The following GLE1 variants were observed in gnomAD, a reference collection of about 807,000 sequenced individuals.
The protein encoded by GLE1 is mRNA export factor GLE1.
Under a neutral mutation model 97.3 loss-of-function variants are expected in GLE1, and 78 were observed. The observed-to-expected ratio is 0.80, with a 90% confidence interval of 0.67 to 0.97. The LOEUF is 0.97. Among genes scored for constraint, GLE1 ranks in the 50% least tolerant of loss-of-function variants. GLE1 has a pLI of 0.00. For missense variants in GLE1, 753 were observed against 857.5 expected (o/e 0.88, Z 1.52); for synonymous variants, 302 against 313.4 (o/e 0.96, Z 0.39).
intron 13 of GLE1, among the ~76,000 whole-genome samples, chr9:128,539,380 A>G (rs1847821414): frequency 6.6e-6 from 1 of 152,216 alleles, no homozygotes; most frequent in African/African-American, 2.4e-5. Context: ...ATTAGAGGAA[A>G]AGAAGAGTAG....
At chr9:128,533,463 AAGAG>A (rs756296412) in intron 9 of GLE1, 46 bp from the exon 10 acceptor site, 3 of 1,405,868 alleles carry the variant, frequency 2.1e-6, no homozygotes, top group Non-Finnish European at 3.0e-6. Context: ...GGAAAAGAAA[AAGAG>A]ATTGATCTGT....
upstream of GLE1, chr9:128,504,711 C>CCGGAAG: frequency 3.4e-6 from 3 of 881,064 alleles, no homozygotes; most frequent in Non-Finnish European, 5.7e-6. Flanking sequence ...CGCGCGCGTC[C>CCGGAAG]CGGAAGCAGA....
chr9:128,523,618 A>G lies in GLE1; in HGVS notation c.669A>G (p.Ala223=), dbSNP rs1444651623. ...TTCTCAACCTGAAGCTGCGGGAAGC[A>G]GAGCAGCAGCGCGTGAAGCAAGCAG... The part of the protein sequence containing the change: ...AKILNLKLRE[A]EQQRVKQAEQ... Residue 223 remains alanine, a synonymous_variant, in exon 6 of 16, where the codon GCA becomes GCG. Coordinates refer to ENST00000309971, the MANE Select transcript of GLE1 (RefSeq NM_001003722.2). The G allele has an allele frequency of 2.5e-6, 4 of 1,614,026 alleles. No individual in the cohort carries two copies. In the East Asian group the frequency reaches 6.7e-5, roughly 27 times the overall value.
At chr9:128,529,127 CT>C (rs1352614969) in intron 9 of GLE1, 1 of 152,186 alleles carries the variant, frequency 6.6e-6, no homozygotes, top group African/African-American at 2.4e-5. Context: ...TAACATATCA[CT>C]TTTTGGAATT....
At chr9:128,521,397 G>C (rs1847148663) in intron 3 of GLE1, among the ~76,000 whole-genome samples, 1 of 152,036 alleles carries the variant, frequency 6.6e-6, no homozygotes, top group African/African-American at 2.4e-5. Flanking sequence ...AGCCCCGTGT[G>C]ATAGTGGACA....
intron 11 of GLE1, among the ~76,000 whole-genome samples, chr9:128,536,137 A>G (rs1040135725): frequency 3.3e-5 from 5 of 152,050 alleles, no homozygotes; most frequent in Admixed American, 6.6e-5. Flanking sequence ...GGTTCAAGCA[A>G]TTCTCATGCC....
intron 12 of GLE1, among the ~76,000 whole-genome samples, chr9:128,537,748 T>G (rs1261474576): frequency 1.3e-5 from 2 of 152,182 alleles, no homozygotes; most frequent in Non-Finnish European, 2.9e-5. Flanking sequence ...AGGTGAAGGC[T>G]GCAGTGATCC....
At chr9:128,528,350 C>G (rs947832275) in intron 9 of GLE1, among the ~76,000 whole-genome samples, 2 of 145,790 alleles carry the variant, frequency 1.4e-5, no homozygotes, top group Non-Finnish European at 3.0e-5. Context: ...GTCACCCAGA[C>G]TGGAGTGCAG....
chr9:128,508,939 C>G lies in GLE1; in HGVS notation c.163C>G (p.His55Asp), dbSNP rs1846719656. 1 of 1,611,240 alleles carries G rather than the reference C, an allele frequency of 6.2e-7. No homozygotes were observed. Among genetic ancestry groups the G allele is most frequent in the Non-Finnish European group, 8.5e-7 (1 of 1,177,392 alleles). ...TTCTTATTCTGGATGGGTGGTAGAG[C>G]ACGTCCTACCCCATATGCAGGAGAA... ...LSSYSGWVVE[H>D]VLPHMQENQP... Residue 55 changes from histidine to aspartate, a missense_variant, in exon 2 of 16, where the codon CAC becomes GAC. Transcript: ENST00000309971.
intron 1 of GLE1, 23 bp from the exon 2 acceptor site, chr9:128,508,853 C>T (rs754271392): frequency 7.4e-7 from 1 of 1,349,332 alleles, no homozygotes; most frequent in Non-Finnish European, 1.1e-6. Flanking sequence ...GTAAGTTGAG[C>T]TTAACCCTAT....
chr9:128,513,238 G>A (rs1846876547), intron 2 of GLE1, among the ~76,000 whole-genome samples: 1 of 151,686 alleles, frequency 6.6e-6, no homozygotes, highest in Non-Finnish European at 1.5e-5. Flanking sequence ...CCCCCACATA[G>A]GATTGATTAT....
Position 128,541,491 on chromosome 9 carries a change from A to C in GLE1, c.*321A>C, listed in dbSNP as rs1481813108. On this transcript the variant is annotated 3_prime_UTR_variant, in exon 16 of 16. Coordinates refer to ENST00000309971, the MANE Select transcript of GLE1 (RefSeq NM_001003722.2). ...CTCTAGTGTCTTTCAGAAAGTTGGCAATACCTTAACAAATGCACTCTGAGC... is the reference window on the plus strand; with the variant it reads ...CTCTAGTGTCTTTCAGAAAGTTGGCCATACCTTAACAAATGCACTCTGAGC... 8.0e-6 allele frequency: 3 copies of C among 374,980 alleles called. No homozygotes were observed. Among genetic ancestry groups the C allele is most frequent in the African/African-American group, 6.2e-5 (3 of 48,328 alleles). The allele number at this position is 374,980 out of a possible 1,614,324, so 23.2% of individuals were successfully genotyped here.
At chr9:128,540,987 T>C (rs13284248) in intron 15 of GLE1, 115 bp from the exon 16 acceptor site, 1 of 762,658 alleles carries the variant, frequency 1.3e-6, no homozygotes, top group Non-Finnish European at 2.4e-6. Context: ...TTCCTTTTTG[T>C]TCACTGTTCC....
At position 128,523,636 on chromosome 9, in the gene GLE1, G is replaced by A; in HGVS notation, c.687G>A (p.Lys229=). 1 of 1,614,154 alleles carries A rather than the reference G, an allele frequency of 6.2e-7. No homozygotes were observed. The highest frequency in any genetic ancestry group is 8.5e-7 in the Non-Finnish European group (1 of 1,180,034). ...KLREAEQQRV[K]QAEQERLRKE... is the part of the protein sequence containing the mutation. ...GGGAAGCAGAGCAGCAGCGCGTGAA[G>A]CAAGCAGAACAGGAGCGGCTTCGGA... Residue 229 remains lysine, a synonymous_variant, in exon 6 of 16, where the codon AAG becomes AAA. Coordinates refer to ENST00000309971, the MANE Select transcript of GLE1 (RefSeq NM_001003722.2).
chr9:128,513,986 C>G (rs1200208214), intron 2 of GLE1, among the ~76,000 whole-genome samples: 1 of 148,792 alleles, frequency 6.7e-6, no homozygotes, highest in Non-Finnish European at 1.5e-5. Context: ...CTACTGCACT[C>G]CAGCCTGGGC....
At position 128,522,721 on chromosome 9, in the gene GLE1, G is replaced by A. The variant is rs759714264; in HGVS notation, c.486G>A (p.Ser162=). The change falls in exon 4 of 16, where the codon TCG becomes TCA. Residue 162 remains serine (S), a synonymous_variant. Transcript: ENST00000309971. ...AGGAGAGGAAGGTGCAAGCCCTCTC[G>A]GAGATGGCATCTGAACAACTGAAGC... The part of the protein sequence containing the change: ...EEQERKVQAL[S]EMASEQLKRF... 2.3e-5 allele frequency: 37 copies of A among 1,613,574 alleles called. No homozygotes were observed. Among genetic ancestry groups the A allele is most frequent in the Admixed American group, 3.3e-5 (2 of 59,930 alleles).
At chr9:128,534,542 T>C (rs1003829616) in intron 11 of GLE1, among the ~76,000 whole-genome samples, 1 of 152,050 alleles carries the variant, frequency 6.6e-6, no homozygotes, top group African/African-American at 2.4e-5. Flanking sequence ...ACAAATCATT[T>C]AGTCTTTTTG....
intron 12 of GLE1, chr9:128,536,800 A>G: frequency 2.9e-6 from 1 of 347,594 alleles, no homozygotes; most frequent in Non-Finnish European, 5.6e-6. Flanking sequence ...ACTAGTTGAG[A>G]CCTTAGAAGC....
At chr9:128,523,213 AAAG>A in intron 4 of GLE1, 64 bp from the exon 5 acceptor site, 1 of 1,173,416 alleles carries the variant, frequency 8.5e-7, no homozygotes, top group South Asian at 1.2e-5. Flanking sequence ...GAGGGAGAGA[AAAG>A]AAAGAAAGAA....
Sources: allele counts gnomAD v4.1 joint callset (sites outside exome capture counted in the v4.1 genomes callset), GRCh38; gene constraint gnomAD v4.1.1; transcripts MANE v1.5; gene names NCBI Gene and HGNC (gene_info 2026-07-23, HGNC 2026-07-21).